Variants in ATG10 observed in about 807,000 individuals in gnomAD.
The protein encoded by ATG10 is autophagy related 10, also known as ubiquitin-like-conjugating enzyme ATG10.
ATG10 carries 30 observed loss-of-function variants against 32.1 expected under a neutral mutation model. That is an observed-to-expected ratio of 0.94 (90% CI 0.70 to 1.27). ATG10 has a LOEUF of 1.27. Ranked by LOEUF, ATG10 falls within the 50% of genes most tolerant of loss-of-function variation. ATG10 has a pLI of 0.00. For missense variants in ATG10, 233 were observed against 262.3 expected (o/e 0.89, Z 0.77); for synonymous variants, 87 against 91.5 (o/e 0.95, Z 0.28).
At chr5:82,234,044 G>A (rs1420141768) in intron 5 of ATG10, among the ~76,000 whole-genome samples, 1 of 152,122 alleles carries the variant, frequency 6.6e-6, no homozygotes, top group Non-Finnish European at 1.5e-5. Flanking sequence ...TTATAAGAAT[G>A]TAAATATGAG....
intron 3 of ATG10, among the ~76,000 whole-genome samples, chr5:82,159,139 A>G (rs1767924972): frequency 6.6e-6 from 1 of 152,192 alleles, no homozygotes; most frequent in Admixed American, 6.5e-5. Context: ...GTGATACCAC[A>G]ACAGTAGATC....
At chr5:82,109,566 TTTTA>T (rs1765547670) in intron 3 of ATG10, among the ~76,000 whole-genome samples, 1 of 151,948 alleles carries the variant, frequency 6.6e-6, no homozygotes, top group Non-Finnish European at 1.5e-5. Context: ...CTTTATTACT[TTTTA>T]TTTGATTTTT....
At chr5:82,240,010 T>C (rs1230856622) in intron 5 of ATG10, among the ~76,000 whole-genome samples, 1 of 151,850 alleles carries the variant, frequency 6.6e-6, no homozygotes, top group South Asian at 2.1e-4. Context: ...ATCAAAAAGA[T>C]AGAAAATAGC....
intron 3 of ATG10, among the ~76,000 whole-genome samples, chr5:82,159,069 C>T (rs1175835398): frequency 2.0e-5 from 3 of 152,156 alleles, no homozygotes. Context: ...TCCAGTATCA[C>T]TACCCTTGTG....
intron 5 of ATG10, among the ~76,000 whole-genome samples, chr5:82,249,637 C>T (rs114627897): frequency 1.1e-4 from 16 of 152,204 alleles, no homozygotes; most frequent in Non-Finnish European, 2.2e-4. Context: ...GAAACAGAGA[C>T]GTAAAATGGT....
intron 2 of ATG10, among the ~76,000 whole-genome samples, chr5:81,991,575 C>G (rs1220242754): frequency 6.6e-6 from 1 of 152,102 alleles, no homozygotes; most frequent in African/African-American, 2.4e-5. Flanking sequence ...AGGTTGATTA[C>G]CTGAGGTCAG....
intron 5 of ATG10, among the ~76,000 whole-genome samples, chr5:82,184,393 A>G (rs1481380356): frequency 6.6e-6 from 1 of 152,188 alleles, no homozygotes; most frequent in Non-Finnish European, 1.5e-5. Context: ...TAGTTATTTC[A>G]GTGATTTTCT....
intron 3 of ATG10, among the ~76,000 whole-genome samples, chr5:82,152,423 T>C (rs1309279988): frequency 6.6e-6 from 1 of 152,254 alleles, no homozygotes; most frequent in Non-Finnish European, 1.5e-5. Context: ...CAGGTAACAG[T>C]GTGCTCATTT....
intron 4 of ATG10, among the ~76,000 whole-genome samples, chr5:82,170,130 G>C (rs1038959192): frequency 6.6e-6 from 1 of 152,210 alleles, no homozygotes. Context: ...TGGACCCAGA[G>C]GCTTGGGAGA....
rs915079693 is a variant in ATG10 at position 82,041,287 on chromosome 5, T to A, written c.109-17208T>A. ...TGCTGTTTCCCATATCAGAATATAA[T>A]CTTGCCAGGGCAGAGATTTTATGTA... On this transcript the variant is annotated intron_variant, in intron 2 of 7. Coordinates refer to ENST00000282185, the MANE Select transcript of ATG10 (RefSeq NM_031482.5). Among the ~76,000 whole-genome samples, 3 of 152,254 alleles carry A rather than the reference T, an allele frequency of 2.0e-5. No individual in the cohort carries two copies. In the East Asian group the frequency reaches 5.8e-4, roughly 29 times the overall value.
At chr5:82,005,385 C>T (rs778758840) in intron 2 of ATG10, among the ~76,000 whole-genome samples, 1 of 152,192 alleles carries the variant, frequency 6.6e-6, no homozygotes, top group Non-Finnish European at 1.5e-5. Context: ...ACCTCTGTCT[C>T]CTAGGTTCAG....
At chr5:81,977,106 G>A (rs1045992782) in intron 1 of ATG10, among the ~76,000 whole-genome samples, 3 of 152,076 alleles carry the variant, frequency 2.0e-5, no homozygotes, top group African/African-American at 7.2e-5. Context: ...GAATTCCTGA[G>A]CTCAGGCAAT....
chr5:82,168,766 TAAAG>T (rs1329492104), intron 4 of ATG10, among the ~76,000 whole-genome samples: 1 of 152,072 alleles, frequency 6.6e-6, no homozygotes, highest in Non-Finnish European at 1.5e-5. Context: ...AACGCCATGA[TAAAG>T]AAAGAATAAT....
chr5:82,062,292 T>G (rs948081289), intron 3 of ATG10, among the ~76,000 whole-genome samples: 59 of 152,268 alleles, frequency 3.9e-4, no homozygotes, highest in African/African-American at 1.4e-3. Context: ...GATAAACCCT[T>G]CATCTTCCAG....
At chr5:82,222,100 A>G (rs886292188) in intron 5 of ATG10, among the ~76,000 whole-genome samples, 2 of 152,252 alleles carry the variant, frequency 1.3e-5, no homozygotes, top group African/African-American at 4.8e-5. Flanking sequence ...CCAGTGTTAT[A>G]GAAAGAGCAG....
intron 2 of ATG10, among the ~76,000 whole-genome samples, chr5:82,045,001 A>G (rs1763193853): frequency 6.6e-6 from 1 of 152,132 alleles, no homozygotes; most frequent in African/African-American, 2.4e-5. Context: ...TCCCCAAGTT[A>G]GTAATACTCA....
intron 5 of ATG10, among the ~76,000 whole-genome samples, chr5:82,205,784 G>A (rs10067906): frequency 0.98 from 149,720 of 152,270 alleles, 73,632 homozygotes; most frequent in Middle Eastern, 1. Context: ...AGATAGGCCA[G>A]ATTATTTGAT....
rs530348195 is a variant in ATG10 at position 82,101,294 on chromosome 5, T to G, written c.216+42692T>G. Among the ~76,000 whole-genome samples, 5 of 152,274 alleles carry G rather than the reference T, an allele frequency of 3.3e-5. No homozygotes were observed. In the South Asian group the frequency reaches 1.0e-3, roughly 32 times the overall value. ...TCCTCAAGATCACCTTGTGGTAAGT[T>G]GCTCAGACTCTTGCAATCACATCCT... On this transcript the variant is annotated intron_variant, in intron 3 of 7. Coordinates refer to ENST00000282185, the MANE Select transcript of ATG10 (RefSeq NM_031482.5).
At chr5:82,185,046 T>C (rs971028974) in intron 5 of ATG10, among the ~76,000 whole-genome samples, 2 of 152,226 alleles carry the variant, frequency 1.3e-5, no homozygotes, top group Admixed American at 6.5e-5. Flanking sequence ...TTCTCAAATT[T>C]CCAAACCACA....
Sources: gnomAD v4.1 joint callset for allele counts (sites outside exome capture counted in the v4.1 genomes callset) on GRCh38, gnomAD v4.1.1 for gene constraint, MANE v1.5 for transcripts, NCBI Gene and HGNC (gene_info 2026-07-23, HGNC 2026-07-21) for gene names.